Variants in ARSG observed in about 807,000 individuals in gnomAD.
ARSG encodes ASG.
ARSG carries 37 observed loss-of-function variants against 50.5 expected under a neutral mutation model. The ratio of observed to expected loss-of-function variants is 0.73; its 90% CI spans 0.56 to 0.96. ARSG has a LOEUF of 0.96. Among genes scored for constraint, ARSG ranks in the 50% least tolerant of loss-of-function variants. ARSG has a pLI of 0.00. For synonymous variants in ARSG, 225 were observed against 254.6 expected (o/e 0.88, Z 1.11); for missense variants, 629 against 675.3 (o/e 0.93, Z 0.76).
At chr17:68,272,691 G>T in intron 1 of ARSG, 1 of 1,614,170 alleles carries the variant, frequency 6.2e-7, no homozygotes, top group South Asian at 1.1e-5. Context: ...CAACTGCAGT[G>T]ACTATGGAAC....
chr17:68,440,307 G>A, the ARSG span, among the ~76,000 whole-genome samples: 6 of 152,318 alleles, frequency 3.9e-5, no homozygotes, highest in South Asian at 1.0e-3. Flanking sequence ...ATGTATCTTC[G>A]TATCTTGGGA....
chr17:68,379,878 A>G, intron 8 of ARSG: 1 of 985,104 alleles, frequency 1.0e-6, no homozygotes, highest in Non-Finnish European at 1.2e-6. Flanking sequence ...GGCAGGCATT[A>G]TGCAAAAGTA....
chr17:68,348,844 T>G (rs2078627797), intron 4 of ARSG, among the ~76,000 whole-genome samples: 1 of 152,162 alleles, frequency 6.6e-6, no homozygotes, highest in South Asian at 2.1e-4. Flanking sequence ...GCACCCACGC[T>G]CCTCTTGCTG....
chr17:68,395,040 G>A (rs1030531379), intron 9 of ARSG, 33 bp from the exon 10 acceptor site: 1 of 1,612,158 alleles, frequency 6.2e-7, no homozygotes, highest in Non-Finnish European at 8.5e-7. Flanking sequence ...AGTCAGAAGA[G>A]CTGGGGACAA....
chr17:68,305,716 A>G (rs1287353684), intron 1 of ARSG, among the ~76,000 whole-genome samples: 2 of 152,200 alleles, frequency 1.3e-5, no homozygotes, highest in African/African-American at 4.8e-5. Flanking sequence ...TATATCTGCT[A>G]CCTAGATTCT....
chr17:68,389,931 A>C (rs1172442375), intron 9 of ARSG, among the ~76,000 whole-genome samples: 1 of 150,726 alleles, frequency 6.6e-6, no homozygotes, highest in African/African-American at 2.4e-5. Context: ...ACTCCCCTTT[A>C]CCTACCCCCC....
rs1599497090 is a variant in ARSG at position 68,271,962 on chromosome 17, C to T, written c.-552+12536C>T. ...GGACTATAGGCGTGCGCCACCACGA[C>T]CAGCCAATTTTTGTATTTTTAGTAG... On this transcript the variant is annotated intron_variant, in intron 1 of 11. Transcript: ENST00000448504. This position sits in a 1 kb window ranked among gnomAD's most constrained non-coding sequence, Gnocchi z 5.3. Among the ~76,000 whole-genome samples the T allele has an allele frequency of 6.6e-6, 1 of 152,162 alleles. No individual in the cohort carries two copies. Among genetic ancestry groups the T allele is most frequent in the Admixed American group, 6.5e-5 (1 of 15,276 alleles).
chr17:68,398,533 C>T (rs1328367519), intron 10 of ARSG, among the ~76,000 whole-genome samples: 1 of 152,224 alleles, frequency 6.6e-6, no homozygotes, highest in Non-Finnish European at 1.5e-5. Flanking sequence ...ACATCCTGGG[C>T]TTACAAGGAT....
chr17:68,383,761 G>C (rs1016604919), intron 8 of ARSG, among the ~76,000 whole-genome samples: 2 of 152,232 alleles, frequency 1.3e-5, no homozygotes, highest in Non-Finnish European at 2.9e-5. Context: ...ATTTATGGGA[G>C]ACGTGGCCCT....
At chr17:68,357,767 G>T (rs2079099149) in intron 6 of ARSG, among the ~76,000 whole-genome samples, 1 of 152,142 alleles carries the variant, frequency 6.6e-6, no homozygotes, top group African/African-American at 2.4e-5. Flanking sequence ...CATCTGAAGG[G>T]GGCAGCTACT....
chr17:68,436,542 A>G, the ARSG span: 19 of 1,507,824 alleles, frequency 1.3e-5, no homozygotes, highest in African/African-American at 2.2e-4. Context: ...ACGGCTGGAG[A>G]GGGCATCTGA....
At chr17:68,429,956 A>G in the ARSG span, 13 of 1,610,462 alleles carry the variant, frequency 8.1e-6, no homozygotes, top group African/African-American at 5.4e-5. Flanking sequence ...TACATTGACG[A>G]AAGTGTGGTC....
At chr17:68,276,169 C>T (rs916483265) in intron 1 of ARSG, among the ~76,000 whole-genome samples, 2 of 151,552 alleles carry the variant, frequency 1.3e-5, no homozygotes, top group Non-Finnish European at 2.9e-5. Flanking sequence ...TCTCAGCTCA[C>T]TGCAACCTCT....
At chr17:68,351,938 A>G (rs78570019) in intron 5 of ARSG, among the ~76,000 whole-genome samples, 5,183 of 152,172 alleles carry the variant, frequency 0.034, 131 homozygotes, top group Non-Finnish European at 0.051. Flanking sequence ...AGCTAGGGAG[A>G]GGCTTGTGCT....
At chr17:68,280,967 A>T (rs1172560535) in intron 1 of ARSG, among the ~76,000 whole-genome samples, 2 of 151,982 alleles carry the variant, frequency 1.3e-5, no homozygotes, top group Non-Finnish European at 2.9e-5. Context: ...CTTACTGAAA[A>T]TACGAAAAAT....
the ARSG span, among the ~76,000 whole-genome samples, chr17:68,432,187 G>A: frequency 2.0e-5 from 3 of 152,152 alleles, no homozygotes; most frequent in Non-Finnish European, 1.5e-5. Flanking sequence ...GAAGGGAGCC[G>A]CCCCCAGTGT....
At chr17:68,415,335 G>A (rs1054286397) in intron 11 of ARSG, among the ~76,000 whole-genome samples, 2 of 152,132 alleles carry the variant, frequency 1.3e-5, no homozygotes, top group African/African-American at 4.8e-5. Flanking sequence ...GGTTCTGAAG[G>A]TTCCTTTGGA....
At chr17:68,341,464 C>T (rs1244751289) in intron 2 of ARSG, among the ~76,000 whole-genome samples, 1 of 152,202 alleles carries the variant, frequency 6.6e-6, no homozygotes, top group Non-Finnish European at 1.5e-5. Flanking sequence ...TTCAGTGTTT[C>T]CTTGTGCTTT....
the ARSG span, chr17:68,448,288 C>T: frequency 1.2e-4 from 19 of 152,260 alleles, 1 homozygote; most frequent in Admixed American, 9.8e-4. Context: ...AAAGCAAACC[C>T]CCAATACTTC....
Sources: gnomAD v4.1 joint callset for allele counts (sites outside exome capture counted in the v4.1 genomes callset) on GRCh38, gnomAD v4.1.1 for gene constraint, Gnocchi (gnomAD v3.1) non-coding constraint, MANE v1.5 for transcripts, NCBI Gene and HGNC (gene_info 2026-07-23, HGNC 2026-07-21) for gene names.